GGNBP2: variants seen among roughly 807,000 people sequenced by gnomAD.
GGNBP2 encodes the protein gametogenetin-binding protein 2.
A neutral mutation model predicts 85.9 loss-of-function variants in GGNBP2; 10 were observed. That is an observed-to-expected ratio of 0.12 (90% CI 0.07 to 0.20). GGNBP2 has a LOEUF of 0.20. Among genes scored for constraint, GGNBP2 ranks in the 10% least tolerant of loss-of-function variants. The probability of loss-of-function intolerance (pLI) is 1.00; values close to 1 mark genes in which losing one functional copy is unlikely to be tolerated. For synonymous variants in GGNBP2, 287 were observed against 285.7 expected, an observed-to-expected ratio of 1.00 and a Z score of -0.05; for missense variants, 595 against 857.8, an observed-to-expected ratio of 0.69 and a Z score of 3.83.
chr17:36,579,004 A>G, intron 7 of GGNBP2: 2 of 448,290 alleles, frequency 4.5e-6, no homozygotes, highest in Non-Finnish European at 8.0e-6. Context: ...CCATCTTTTT[A>G]GAGCCAGTTC....
intron 4 of GGNBP2, among the ~76,000 whole-genome samples, chr17:36,558,525 A>G (rs28573110): frequency 0.39 from 57,956 of 147,938 alleles, 11,586 homozygotes; most frequent in Middle Eastern, 0.49. Context: ...GCTCGATCTC[A>G]GCTCACTGCA....
chr17:36,587,236 T>G lies in GGNBP2; in HGVS notation c.1881T>G (p.Val627=), dbSNP rs1353364415. 1 of 1,614,148 alleles carries G rather than the reference T, an allele frequency of 6.2e-7. No homozygotes were observed. The highest frequency in any genetic ancestry group is 8.5e-7 in the Non-Finnish European group (1 of 1,180,024). The part of the protein sequence containing the change: ...PDSGKGAKSL[V]ELLDESECTS... Reference sequence around the variant, plus strand: ...CCGGAAAAGGTGCCAAGAGCTTAGTTGAACTCCTTGTAAGTATTCCATGTG... The same window carrying G: ...CCGGAAAAGGTGCCAAGAGCTTAGTGGAACTCCTTGTAAGTATTCCATGTG... The change falls in exon 13 of 14, where the codon GTT becomes GTG. Residue 627 remains valine, a synonymous_variant. Transcript: ENST00000613102.
rs777079428 is a variant in GGNBP2 at position 36,585,462 on chromosome 17, A to C, written c.1366+12A>C. The stretch of plus-strand genomic sequence containing the variant: ...TAAAATAAAGAAAGGTAAGTAAATA[A>C]TTTCTTTTTAAAATGAACTCTTAAC... On this transcript the variant is annotated intron_variant, in intron 10 of 13. Coordinates refer to ENST00000613102, the MANE Select transcript of GGNBP2 (RefSeq NM_024835.5). The C allele has an allele frequency of 1.6e-5, 25 of 1,557,698 alleles. No homozygotes were observed. The highest frequency in any genetic ancestry group is 2.0e-5 in the Non-Finnish European group (23 of 1,142,560).
intron 2 of GGNBP2, among the ~76,000 whole-genome samples, chr17:36,550,530 G>A (rs78540749): frequency 9.5e-4 from 144 of 152,314 alleles, no homozygotes; most frequent in African/African-American, 3.4e-3. Context: ...AAATAGCTGT[G>A]TGGAGTAAAA....
chr17:36,586,518 T>G, intron 12 of GGNBP2: 2 of 331,034 alleles, frequency 6.0e-6, no homozygotes, highest in Non-Finnish European at 1.1e-5. Flanking sequence ...GAATGTATAT[T>G]GGCAGGTGTG....
rs755657833 is a variant in GGNBP2, at chr17:36,589,350, G to A, written c.2033G>A (p.Arg678Gln). The change falls in exon 14 of 14, where the codon CGG becomes CAG. Residue 678 changes from arginine to glutamine, a missense_variant. Arg to Gln is a conservative substitution (Grantham distance 43). Around this residue, in one of 9 missense-constraint regions of GGNBP2, gnomAD observed 26 missense variants for 26.9 expected, o/e 0.97. Transcript: ENST00000613102. ...HLKEKFNKYCRLNDHKRPICS... is the reference protein window; with the variant it reads ...HLKEKFNKYCQLNDHKRPICS... The stretch of plus-strand genomic sequence containing the variant: ...AAGGAGAAATTTAATAAATACTGCC[G>A]GTTAAATGATCACAAGAGGCCCATT... 8 of 1,613,850 alleles carry A rather than the reference G, an allele frequency of 5.0e-6. No individual in the cohort carries two copies. The highest frequency in any genetic ancestry group is 2.2e-5 in the East Asian group (1 of 44,896).
chr17:36,588,677 G>A (rs150354966), intron 13 of GGNBP2, among the ~76,000 whole-genome samples: 1 of 150,046 alleles, frequency 6.7e-6, no homozygotes, highest in African/African-American at 2.4e-5. Flanking sequence ...TTGGCTCACT[G>A]TAGCCTCTGC....
At chr17:36,570,223 A>G (rs2074509778) in intron 6 of GGNBP2, among the ~76,000 whole-genome samples, 1 of 152,010 alleles carries the variant, frequency 6.6e-6, no homozygotes, top group African/African-American at 2.4e-5. Context: ...ACAAAAAAGC[A>G]GAAAAATTAG....
chr17:36,547,683 T>A (rs951752050), intron 2 of GGNBP2: 1 of 152,258 alleles, frequency 6.6e-6, no homozygotes, highest in African/African-American at 2.4e-5. Context: ...TATCTGGCGG[T>A]TGAATTTTGC....
At chr17:36,587,782 G>A (rs562649235) in intron 13 of GGNBP2, among the ~76,000 whole-genome samples, 1 of 152,260 alleles carries the variant, frequency 6.6e-6, no homozygotes, top group East Asian at 1.9e-4. Flanking sequence ...AGCTACCCGG[G>A]AGGCTAAGGC....
In GGNBP2 at chr17:36,578,205, C is replaced by T; in HGVS notation, c.845+19C>T. 6.4e-7 allele frequency: 1 copy of T among 1,574,784 alleles called. No homozygotes were observed. Among genetic ancestry groups the T allele is most frequent in the Non-Finnish European group, 8.7e-7 (1 of 1,151,886 alleles). ...CAGGAGGGTATGAGTATGTAATTTGCTAGAATGGGCTATCTAGCGCTTTGC... is the reference window on the plus strand; with the variant it reads ...CAGGAGGGTATGAGTATGTAATTTGTTAGAATGGGCTATCTAGCGCTTTGC... On this transcript the variant is annotated intron_variant, in intron 7 of 13. Transcript: ENST00000613102.
intron 6 of GGNBP2, among the ~76,000 whole-genome samples, chr17:36,569,275 G>C (rs1009726632): frequency 1.6e-4 from 25 of 152,268 alleles, no homozygotes; most frequent in African/African-American, 5.8e-4. Context: ...AGCCAGGCAT[G>C]GTGGCACGCA....
chr17:36,553,566 G>T (rs1402918170), intron 2 of GGNBP2, among the ~76,000 whole-genome samples: 1 of 152,156 alleles, frequency 6.6e-6, no homozygotes, highest in Non-Finnish European at 1.5e-5. Context: ...ACTGGGTAGG[G>T]ATATTTTGTT....
intron 6 of GGNBP2, among the ~76,000 whole-genome samples, chr17:36,570,279 G>C (rs1172235428): frequency 6.6e-6 from 1 of 152,216 alleles, no homozygotes; most frequent in African/African-American, 2.4e-5. Context: ...TGGGGAGGGT[G>C]AGGTGAGAGT....
At chr17:36,587,971 A>T (rs1196670962) in intron 13 of GGNBP2, among the ~76,000 whole-genome samples, 1 of 152,256 alleles carries the variant, frequency 6.6e-6, no homozygotes, top group Non-Finnish European at 1.5e-5. Flanking sequence ...CATTGTATTC[A>T]GTAGTCTGCC....
rs72625919 is a variant in GGNBP2 at position 36,566,489 on chromosome 17, G to A, written c.528-1174G>A. The stretch of plus-strand genomic sequence containing the variant: ...AGCCTGGGCAACATGACAAGACCCT[G>A]CTGTCTCTACTTAAAAAATACAAAA... On this transcript the variant is annotated intron_variant, in intron 5 of 13. Transcript: ENST00000613102. Among the ~76,000 whole-genome samples, 1,022 of 151,934 alleles carry A rather than the reference G, an allele frequency of 6.7e-3. 30 individuals are homozygous for A. The East Asian group carries it at 0.11, about 16-fold the overall frequency.
chr17:36,572,492 T>C (rs1190247537), intron 6 of GGNBP2, among the ~76,000 whole-genome samples: 3 of 152,174 alleles, frequency 2.0e-5, no homozygotes, highest in Admixed American at 1.3e-4. Flanking sequence ...AGTTCAAGAC[T>C]AGCCTGGGCA....
At chr17:36,548,204 G>A (rs2074272656) in intron 2 of GGNBP2, among the ~76,000 whole-genome samples, 1 of 152,196 alleles carries the variant, frequency 6.6e-6, no homozygotes, top group Admixed American at 6.5e-5. Flanking sequence ...TAGTTACAAT[G>A]TTTACAGGCA....
chr17:36,570,695 C>G (rs2074514888), intron 6 of GGNBP2, among the ~76,000 whole-genome samples: 1 of 151,700 alleles, frequency 6.6e-6, no homozygotes, highest in Non-Finnish European at 1.5e-5. Context: ...AAGAGTGAAA[C>G]TTCGTTCCCA....
Sources: gnomAD v4.1 joint callset for allele counts (sites outside exome capture counted in the v4.1 genomes callset) on GRCh38, gnomAD v4.1.1 for gene constraint, gnomAD v4.1.1 regional missense constraint, MANE v1.5 for transcripts, NCBI Gene and HGNC (gene_info 2026-07-23, HGNC 2026-07-21) for gene names.